The following INTS3 variants were observed in gnomAD, a reference collection of about 807,000 sequenced individuals.
INTS3 encodes the protein integrator complex subunit 3.
In INTS3, 34 loss-of-function variants were observed where a neutral mutation model predicts 146.3. The observed-to-expected ratio is 0.23, with a 90% CI of 0.18 to 0.31. The LOEUF (loss-of-function observed/expected upper bound fraction) is 0.31. Ranked by LOEUF, INTS3 falls within the 10% of genes least tolerant of loss-of-function variation. INTS3 has a pLI of 1.00. For missense variants in INTS3, 757 were observed against 1,304.2 expected, an observed-to-expected ratio of 0.58 and a Z score of 6.46; for synonymous variants, 475 against 494.9, an observed-to-expected ratio of 0.96 and a Z score of 0.53.
At chr1:153,750,267 G>A (rs1016411171) in intron 6 of INTS3, among the ~76,000 whole-genome samples, 1 of 152,224 alleles carries the variant, frequency 6.6e-6, no homozygotes, top group Non-Finnish European at 1.5e-5. Flanking sequence ...TTTGCTGGGA[G>A]GAGACAGCGT....
At chr1:153,747,749 C>T (rs971903060) in intron 5 of INTS3, 2 of 256,414 alleles carry the variant, frequency 7.8e-6, no homozygotes, top group Admixed American at 9.6e-5. Flanking sequence ...TCCCTGGCTC[C>T]ACCCCCATTA....
At chr1:153,766,778 A>C (rs1672605131) in intron 20 of INTS3, 1 of 144,726 alleles carries the variant, frequency 6.9e-6, no homozygotes, top group African/African-American at 2.6e-5. Flanking sequence ...CAACCTCCGC[A>C]TGCTAGGTTC....
Position 153,762,762 on chromosome 1 carries a change from C to T in INTS3, c.1551C>T (p.Asp517=). ...AGGAGCCAGTTTCCATGGAGATGGA[C>T]AACCATATGTCGGATAAGGATGAGA... ...KIEEPVSMEM[D]NHMSDKDESC... Residue 517 remains aspartate (D), a synonymous_variant, in exon 15 of 30, where the codon GAC becomes GAT. Coordinates refer to ENST00000318967, the MANE Select transcript of INTS3 (RefSeq NM_023015.5). The T allele has an allele frequency of 1.2e-6, 2 of 1,614,126 alleles. No homozygotes were observed. The highest frequency in any genetic ancestry group is 1.1e-5 in the South Asian group (1 of 91,076).
At chr1:153,765,479 G>A (rs1470607917) in intron 20 of INTS3, among the ~76,000 whole-genome samples, 1 of 152,062 alleles carries the variant, frequency 6.6e-6, no homozygotes, top group Non-Finnish European at 1.5e-5. Flanking sequence ...ACAGGCATGC[G>A]CCATCACGCC....
intron 21 of INTS3, among the ~76,000 whole-genome samples, chr1:153,768,556 T>C (rs1177231544): frequency 6.6e-6 from 1 of 152,190 alleles, no homozygotes; most frequent in Admixed American, 6.5e-5. Flanking sequence ...ATTCTACCAC[T>C]GCTCCCACAC....
chr1:153,728,097 G>T lies in INTS3; in HGVS notation c.-538G>T, dbSNP rs1038932881. The T allele has an allele frequency of 9.3e-5, 36 of 388,168 alleles. No homozygotes were observed. The highest frequency in any genetic ancestry group is 1.5e-4 in the Non-Finnish European group (33 of 224,490). The allele number at this position is 388,168 out of a possible 1,614,324, so 24.0% of individuals were successfully genotyped here. ...CACTATGGCCGCTTCTGTGTGGTGT[G>T]GGGAGACGCTGGTCCTCCCCGTCCT... On this transcript the variant is annotated 5_prime_UTR_variant, in exon 1 of 30. Transcript: ENST00000318967.
At position 153,759,827 on chromosome 1, in the gene INTS3, C is replaced by G; in HGVS notation, c.1237+214C>G. ...CACTGTACCTCCTCCCCACAGTCTT[C>G]AGGATGCATGGTCTTCAGGAGGGGA... is the stretch of plus-strand genomic sequence containing the variant. On this transcript the variant is annotated intron_variant, in intron 11 of 29. Transcript: ENST00000318967. 5.2e-6 allele frequency: 3 copies of G among 576,710 alleles called. No individual in the cohort carries two copies. In the South Asian group the frequency reaches 6.6e-5, roughly 13 times the overall value. 35.7% of individuals were successfully genotyped at this position (576,710 alleles called of 1,614,324 possible).
At chr1:153,748,487 C>G in intron 5 of INTS3, 1 of 639,380 alleles carries the variant, frequency 1.6e-6, no homozygotes, top group Non-Finnish European at 2.8e-6. Context: ...TAGAAAAATT[C>G]AGAACCTTCC....
chr1:153,769,754 C>T lies in INTS3; in HGVS notation c.2314-15C>T. 2 of 1,600,984 alleles carry T rather than the reference C, an allele frequency of 1.2e-6. No individual in the cohort carries two copies. The highest frequency in any genetic ancestry group is 1.7e-6 in the Non-Finnish European group (2 of 1,168,118). On this transcript the variant is annotated splice_polypyrimidine_tract_variant and intron_variant, in intron 22 of 29. Transcript: ENST00000318967. ...CAGAGCTGATGGGTTCTGCCTCCTTCCTCCACCTCCTTAGCTCCAGGAGCT... is the reference window on the plus strand; with the variant it reads ...CAGAGCTGATGGGTTCTGCCTCCTTTCTCCACCTCCTTAGCTCCAGGAGCT...
At chr1:153,738,347 G>T (rs376168976) in intron 1 of INTS3, among the ~76,000 whole-genome samples, 5 of 152,166 alleles carry the variant, frequency 3.3e-5, no homozygotes, top group Non-Finnish European at 5.9e-5. Context: ...CAGTCCTCCT[G>T]CCTCCCAAAG....
rs1345245910 is a variant in INTS3, at chr1:153,772,958, T to C, written c.2928T>C (p.Tyr976=). 2 of 1,613,992 alleles carry C rather than the reference T, an allele frequency of 1.2e-6. No homozygotes were observed. The highest frequency in any genetic ancestry group is 2.7e-5 in the African/African-American group (2 of 74,920). The part of the protein sequence containing the change: ...FSDLFSLAEE[Y]EDSSTKPPKS... Reference sequence around the variant, plus strand: ...ATCTCTTCTCCCTGGCGGAGGAATATGAGGACTCTTCCACCAAGCCACCCA... The same window carrying C: ...ATCTCTTCTCCCTGGCGGAGGAATACGAGGACTCTTCCACCAAGCCACCCA... The change falls in exon 29 of 30, where the codon TAT becomes TAC. Residue 976 remains tyrosine (Y), a synonymous_variant. Transcript: ENST00000318967. This position sits in a 1 kb window ranked among gnomAD's most constrained non-coding sequence, Gnocchi z 4.6.
At chr1:153,759,675 T>A in intron 11 of INTS3, 62 bp downstream of exon 11, 3 of 1,039,378 alleles carry the variant, frequency 2.9e-6, no homozygotes, top group Non-Finnish European at 4.5e-6. Context: ...CTGCCTTCCT[T>A]AGTGATAGCA....
At chr1:153,760,045 T>C (rs1392482395) in intron 11 of INTS3, 11 of 551,106 alleles carry the variant, frequency 2.0e-5, no homozygotes, top group Non-Finnish European at 3.2e-5. Context: ...TTCATGTATA[T>C]TGACATCCCA....
intron 14 of INTS3, among the ~76,000 whole-genome samples, chr1:153,762,479 C>T (rs920860136): frequency 6.6e-6 from 1 of 152,136 alleles, no homozygotes; most frequent in Admixed American, 6.5e-5. Flanking sequence ...GTTACCAATC[C>T]TAATGAGCTG....
chr1:153,761,795 TCA>T, intron 14 of INTS3, 119 bp downstream of exon 14: 1 of 596,524 alleles, frequency 1.7e-6, no homozygotes, highest in Non-Finnish European at 3.0e-6. Flanking sequence ...ACACTGTCCA[TCA>T]CAGTTTTTCC....
intron 6 of INTS3, chr1:153,750,776 T>C (rs1008418806): frequency 2.8e-6 from 1 of 355,082 alleles, no homozygotes; most frequent in East Asian, 5.1e-5. Context: ...ACTCAGTAAA[T>C]GTTTGAATGA....
rs113597780 is a variant in INTS3, at chr1:153,752,025, T to C, written c.730-254T>C. On this transcript the variant is annotated intron_variant, in intron 7 of 29. Transcript: ENST00000318967. ...AAACAGTTCTGAGTGGAGAGGGAGG[T>C]AGATTAATGTGAAAGCCAGCAGGGC... 4.3e-4 allele frequency: 205 copies of C among 476,566 alleles called. 3 individuals carry two copies. Among genetic ancestry groups the C allele is most frequent in the African/African-American group, 3.7e-3 (184 of 49,518 alleles). 29.5% of individuals were successfully genotyped at this position (476,566 alleles called of 1,614,324 possible). A position where few individuals can be genotyped will look rare whatever the true frequency, so the allele number is the denominator to read the frequency against.
intron 11 of INTS3, 93 bp downstream of exon 11, chr1:153,759,706 G>A (rs372217352): frequency 1.1e-5 from 9 of 799,640 alleles, no homozygotes; most frequent in South Asian, 4.4e-5. Flanking sequence ...TCAGGGCACC[G>A]TGGAGTGGAG....
rs756447024 is a variant in INTS3, at chr1:153,772,134, C to T, written c.2720+171C>T. Among the ~76,000 whole-genome samples the T allele has an allele frequency of 1.3e-5, 2 of 152,100 alleles. No homozygotes were observed. Among genetic ancestry groups the T allele is most frequent in the African/African-American group, 4.8e-5 (2 of 41,416 alleles). On this transcript the variant is annotated intron_variant, in intron 26 of 29. Transcript: ENST00000318967. This position sits in a 1 kb window ranked among gnomAD's most constrained non-coding sequence, Gnocchi z 4.6. The stretch of plus-strand genomic sequence containing the variant: ...ACATGGCATGCGAGACCACCGTGGC[C>T]CTTTCTCCCCATCTTCCAGTGCCCC...
Sources: allele counts gnomAD v4.1 joint callset (sites outside exome capture counted in the v4.1 genomes callset), GRCh38; gene constraint gnomAD v4.1.1; non-coding constraint Gnocchi (gnomAD v3.1); transcripts MANE v1.5; gene names NCBI Gene and HGNC (gene_info 2026-07-23, HGNC 2026-07-21).